Variants in GPHN observed in about 807,000 individuals in gnomAD.
The protein encoded by GPHN is gephyrin.
GPHN carries 17 observed loss-of-function variants against 95.5 expected under a neutral mutation model. The observed-to-expected ratio is 0.18, with a 90% confidence interval of 0.12 to 0.27. GPHN has a LOEUF of 0.27. Among genes scored for constraint, GPHN ranks in the 10% least tolerant of loss-of-function variants. The pLI, the probability that GPHN is intolerant of heterozygous loss-of-function variation, is 1.00. For synonymous variants in GPHN, 320 were observed against 322.5 expected, an observed-to-expected ratio of 0.99 and a Z score of 0.08; for missense variants, 660 against 978.1, an observed-to-expected ratio of 0.67 and a Z score of 4.34.
At chr14:67,554,670 G>T in the GPHN span, among the ~76,000 whole-genome samples, 1 of 152,212 alleles carries the variant, frequency 6.6e-6, no homozygotes, top group South Asian at 2.1e-4. Context: ...AAGAATGGGA[G>T]CTGACATCTA....
intron 1 of GPHN, among the ~76,000 whole-genome samples, chr14:66,635,329 G>A (rs1023746836): frequency 1.3e-5 from 2 of 152,168 alleles, no homozygotes; most frequent in African/African-American, 4.8e-5. Context: ...GAACACGTGG[G>A]ATGAGATAAT....
intron 1 of GPHN, among the ~76,000 whole-genome samples, chr14:66,575,409 C>T (rs532208913): frequency 6.6e-6 from 1 of 152,208 alleles, no homozygotes; most frequent in South Asian, 2.1e-4. Flanking sequence ...TAATGTATCC[C>T]AATTATTTTG....
the GPHN span, among the ~76,000 whole-genome samples, chr14:67,548,395 G>T: frequency 2.0e-5 from 3 of 152,082 alleles, no homozygotes; most frequent in Non-Finnish European, 1.5e-5. Flanking sequence ...GGCTTTGAGG[G>T]TATTAATAAA....
At chr14:66,934,396 T>G (rs1050108702) in intron 8 of GPHN, among the ~76,000 whole-genome samples, 3 of 152,230 alleles carry the variant, frequency 2.0e-5, no homozygotes, top group Non-Finnish European at 4.4e-5. Context: ...AGCAGTCATT[T>G]TCCATTCCCT....
At chr14:67,066,734 A>C (rs748456612) in intron 11 of GPHN, among the ~76,000 whole-genome samples, 6 of 152,096 alleles carry the variant, frequency 3.9e-5, no homozygotes, top group Non-Finnish European at 8.8e-5. Context: ...TATTGAAGCT[A>C]GTGCATGCCT....
chr14:66,784,926 A>AT (rs1241796387), intron 3 of GPHN, among the ~76,000 whole-genome samples: 2 of 152,264 alleles, frequency 1.3e-5, no homozygotes, highest in Non-Finnish European at 2.9e-5. Flanking sequence ...TAAAAGACAG[A>AT]TTTTGACAGA....
the GPHN span, among the ~76,000 whole-genome samples, chr14:67,246,024 T>C: frequency 6.6e-6 from 1 of 152,272 alleles, no homozygotes; most frequent in East Asian, 1.9e-4. Flanking sequence ...TCCCATTGTA[T>C]TCCTCTTGTC....
At chr14:67,145,630 T>C (rs1030739176) in intron 18 of GPHN, among the ~76,000 whole-genome samples, 6 of 152,132 alleles carry the variant, frequency 3.9e-5, no homozygotes, top group Admixed American at 2.0e-4. Flanking sequence ...AAAACATACA[T>C]GCAGCAAATT....
At chr14:66,998,832 T>C (rs1055797394) in intron 9 of GPHN, among the ~76,000 whole-genome samples, 2 of 150,158 alleles carry the variant, frequency 1.3e-5, no homozygotes, top group Non-Finnish European at 3.0e-5. Context: ...AGCTGGCTGA[T>C]ACTATTTAGC....
chr14:67,207,777 T>C, the GPHN span, among the ~76,000 whole-genome samples: 1 of 152,136 alleles, frequency 6.6e-6, no homozygotes, highest in Middle Eastern at 3.4e-3. Flanking sequence ...CTAAGTCTTT[T>C]GACAAAAAAA....
At chr14:67,350,719 C>A in the GPHN span, 1 of 1,586,320 alleles carries the variant, frequency 6.3e-7, no homozygotes, top group Non-Finnish European at 8.6e-7. Flanking sequence ...ACAGCAGATT[C>A]AACCAAGCCT....
chr14:67,311,513 T>G, the GPHN span, among the ~76,000 whole-genome samples: 3 of 152,140 alleles, frequency 2.0e-5, no homozygotes, highest in Non-Finnish European at 4.4e-5. Flanking sequence ...TGAAGTAGAT[T>G]TCTTATAGAT....
intron 1 of GPHN, among the ~76,000 whole-genome samples, chr14:66,663,268 A>C (rs1360985596): frequency 6.6e-6 from 1 of 152,234 alleles, no homozygotes; most frequent in African/African-American, 2.4e-5. Context: ...TCTGACTAAC[A>C]GCAGACCTCT....
chr14:66,956,083 A>G (rs570676408), intron 8 of GPHN, among the ~76,000 whole-genome samples: 4 of 152,068 alleles, frequency 2.6e-5, no homozygotes. Context: ...TCTCTATTTC[A>G]TTTATCTCCA....
the GPHN span, chr14:67,360,799 G>A: frequency 0.31 from 47,744 of 152,088 alleles, 11,386 homozygotes; most frequent in African/African-American, 0.64. Context: ...TCTTAACCCC[G>A]GCTCAGGACG....
At chr14:66,955,404 A>G (rs1333790148) in intron 8 of GPHN, among the ~76,000 whole-genome samples, 2 of 152,130 alleles carry the variant, frequency 1.3e-5, no homozygotes, top group Non-Finnish European at 2.9e-5. Flanking sequence ...TGTTCCTAGT[A>G]TTTAATTATT....
the GPHN span, chr14:67,695,626 A>G: frequency 6.2e-7 from 1 of 1,613,614 alleles, no homozygotes; most frequent in Middle Eastern, 1.7e-4. Flanking sequence ...ACATTTGCAC[A>G]GACCTGATTT....
the GPHN span, among the ~76,000 whole-genome samples, chr14:67,567,284 C>T: frequency 2.0e-5 from 3 of 152,236 alleles, no homozygotes; most frequent in East Asian, 1.9e-4. Context: ...CTCAATCTGA[C>T]GGTGTGAGAA....
chr14:67,367,316 C>T, the GPHN span, among the ~76,000 whole-genome samples: 917 of 152,266 alleles, frequency 6.0e-3, 20 homozygotes, highest in East Asian at 0.053. Flanking sequence ...CTGCAACCTC[C>T]GACTCCCTGG....
Sources: gnomAD v4.1 joint callset for allele counts (sites outside exome capture counted in the v4.1 genomes callset) on GRCh38, gnomAD v4.1.1 for gene constraint, MANE v1.5 for transcripts, NCBI Gene and HGNC (gene_info 2026-07-23, HGNC 2026-07-21) for gene names.